PDE9A: variants seen among roughly 807,000 people sequenced by gnomAD.
PDE9A encodes the protein high affinity cGMP-specific 3',5'-cyclic phosphodiesterase 9A.
A neutral mutation model predicts 87.4 loss-of-function variants in PDE9A; 60 were observed. That is an observed-to-expected ratio of 0.69 (90% confidence interval 0.56 to 0.85). PDE9A has a LOEUF of 0.85. PDE9A is among the 40% of genes least tolerant of loss of function. The probability of loss-of-function intolerance (pLI) is 0.00; values close to 1 mark genes in which losing one functional copy is unlikely to be tolerated. For missense variants in PDE9A, 665 were observed against 779.0 expected, an observed-to-expected ratio of 0.85 and a Z score of 1.74; for synonymous variants, 272 against 279.4, an observed-to-expected ratio of 0.97 and a Z score of 0.27.
intron 4 of PDE9A, among the ~76,000 whole-genome samples, chr21:42,706,472 C>T (rs571420569): frequency 6.6e-6 from 1 of 151,978 alleles, no homozygotes; most frequent in South Asian, 2.1e-4. Flanking sequence ...TGGTGAAACC[C>T]TGTCTCTACT....
chr21:42,657,081 T>C (rs2057132581), intron 1 of PDE9A, among the ~76,000 whole-genome samples: 1 of 152,224 alleles, frequency 6.6e-6, no homozygotes, highest in Non-Finnish European at 1.5e-5. Flanking sequence ...GTGTGGGGCC[T>C]GATGAACAGG....
chr21:42,716,399 T>C (rs972917512), intron 4 of PDE9A, among the ~76,000 whole-genome samples: 1 of 151,804 alleles, frequency 6.6e-6, no homozygotes, highest in African/African-American at 2.4e-5. Flanking sequence ...AGCTTTTGTG[T>C]TTCAGTGTCT....
chr21:42,653,943 G>C, intron 1 of PDE9A, 60 bp downstream of exon 1: 1 of 1,037,432 alleles, frequency 9.6e-7, no homozygotes, highest in Non-Finnish European at 1.4e-6. Flanking sequence ...CCGGGGCCGG[G>C]CGCGGCGGGG....
intron 8 of PDE9A, among the ~76,000 whole-genome samples, chr21:42,745,437 G>A (rs1304883350): frequency 2.6e-5 from 4 of 152,180 alleles, no homozygotes; most frequent in Non-Finnish European, 5.9e-5. Context: ...ATCCATCTTC[G>A]TCATCCCTGT....
intron 14 of PDE9A, 78 bp from the exon 15 acceptor site, chr21:42,765,303 G>A: frequency 1.4e-6 from 1 of 730,740 alleles, no homozygotes; most frequent in Non-Finnish European, 2.4e-6. Context: ...TGTGCAGGGG[G>A]CTCAGTACAC....
In PDE9A at chr21:42,659,151, C is replaced by T. The variant is rs1040306461; in HGVS notation, c.69+5268C>T. Reference sequence around the variant, plus strand: ...CTTCCCAATTTTAGCCCAAGGGTGCCGAAAAGTCAGGGAGCTGCTGGCCTC... The same window carrying T: ...CTTCCCAATTTTAGCCCAAGGGTGCTGAAAAGTCAGGGAGCTGCTGGCCTC... On this transcript the variant is annotated intron_variant, in intron 1 of 19. Transcript: ENST00000291539. This position sits in a 1 kb window ranked among gnomAD's most constrained non-coding sequence, Gnocchi z 4.1. 7.2e-5 allele frequency among the ~76,000 whole-genome samples: 11 copies of T among 152,194 alleles called. No homozygotes were observed. The highest frequency in any genetic ancestry group is 4.1e-4 in the South Asian group (2 of 4,830).
At chr21:42,726,731 G>C (rs539812766) in intron 4 of PDE9A, among the ~76,000 whole-genome samples, 1 of 147,204 alleles carries the variant, frequency 6.8e-6, no homozygotes, top group African/African-American at 2.5e-5. Flanking sequence ...AAAGTGCTGG[G>C]ATTACAGGCA....
chr21:42,687,849 G>A (rs890301308), intron 2 of PDE9A, 68 bp from the exon 3 acceptor site: 202 of 1,315,348 alleles, frequency 1.5e-4, no homozygotes, highest in Non-Finnish European at 1.9e-4. Flanking sequence ...CTGGCCCCAT[G>A]TGTACATTCA....
chr21:42,737,992 G>C (rs565188061), intron 7 of PDE9A, among the ~76,000 whole-genome samples: 7 of 152,214 alleles, frequency 4.6e-5, no homozygotes, highest in East Asian at 3.9e-4. Context: ...TTTCCCTTAC[G>C]TTACGGATTA....
intron 1 of PDE9A, among the ~76,000 whole-genome samples, chr21:42,655,821 G>A (rs532748581): frequency 4.7e-5 from 5 of 107,094 alleles, no homozygotes; most frequent in African/African-American, 1.4e-4. Context: ...CCCCCACCCC[G>A]CCCCCCATCT....
intron 10 of PDE9A, 83 bp from the exon 11 acceptor site, chr21:42,758,916 G>C (rs569159580): frequency 2.8e-6 from 3 of 1,052,986 alleles, no homozygotes; most frequent in South Asian, 2.6e-5. Flanking sequence ...CTGGCACTCC[G>C]AGGACAGCAG....
At chr21:42,703,895 G>A (rs924637439) in intron 4 of PDE9A, among the ~76,000 whole-genome samples, 1 of 152,214 alleles carries the variant, frequency 6.6e-6, no homozygotes, top group Non-Finnish European at 1.5e-5. Context: ...ACAATAAGGG[G>A]CATTTCTGCT....
At chr21:42,754,192 A>G in intron 10 of PDE9A, 128 bp downstream of exon 10, 1 of 611,278 alleles carries the variant, frequency 1.6e-6, no homozygotes, top group Non-Finnish European at 2.9e-6. Context: ...GACTGAAAAA[A>G]AAAAACAAAA....
At chr21:42,756,346 C>T (rs780583389) in intron 10 of PDE9A, among the ~76,000 whole-genome samples, 3 of 152,354 alleles carry the variant, frequency 2.0e-5, no homozygotes, top group Admixed American at 6.5e-5. Context: ...ACAGCCCACT[C>T]GGCCCCACAA....
chr21:42,772,405 T>C (rs775878709), intron 18 of PDE9A, 34 bp from the exon 19 acceptor site: 1 of 1,441,556 alleles, frequency 6.9e-7, no homozygotes, highest in Non-Finnish European at 9.7e-7. Flanking sequence ...TGTCTCCTGC[T>C]CCCTGACTTG....
In PDE9A at chr21:42,704,051, C is replaced by T. The variant is rs2048603389; in HGVS notation, c.262+5040C>T. ...GGTCAGGGCCCAGGCTCCCGCCAGC[C>T]CTCACGGCAGCACGAGGCTGGTACG... On this transcript the variant is annotated intron_variant, in intron 4 of 19. Transcript: ENST00000291539. This position sits in a 1 kb window ranked among gnomAD's most constrained non-coding sequence, Gnocchi z 5.3. 6.6e-6 allele frequency among the ~76,000 whole-genome samples: 1 copy of T among 152,196 alleles called. No individual in the cohort carries two copies. The highest frequency in any genetic ancestry group is 2.4e-5 in the African/African-American group (1 of 41,446).
Position 42,653,898 on chromosome 21 carries a change from AC to A in PDE9A, c.69+18del. 1 of 1,413,786 alleles carries A rather than the reference AC, an allele frequency of 7.1e-7. No homozygotes were observed. The highest frequency in any genetic ancestry group is 9.7e-7 in the Non-Finnish European group (1 of 1,032,296). The allele number at this position is 1,413,786 out of a possible 1,614,324, so 87.6% of individuals were successfully genotyped here. On this transcript the variant is annotated intron_variant, in intron 1 of 19. Transcript: ENST00000291539. ...GCATTCAGAAGGTAGCCCCTCCCCCACCCAGACACCCCCTCCTCCCCCCGGG... is the reference window on the plus strand; with the variant it reads ...GCATTCAGAAGGTAGCCCCTCCCCCACCAGACACCCCCTCCTCCCCCCGGG...
At chr21:42,684,644 G>A (rs954423043) in intron 1 of PDE9A, among the ~76,000 whole-genome samples, 1 of 152,230 alleles carries the variant, frequency 6.6e-6, no homozygotes, top group Non-Finnish European at 1.5e-5. Context: ...GTCCTGCAAA[G>A]GAGGATGTGG....
intron 3 of PDE9A, among the ~76,000 whole-genome samples, chr21:42,698,633 C>T (rs919153255): frequency 2.6e-5 from 4 of 152,158 alleles, no homozygotes; most frequent in African/African-American, 7.2e-5. Context: ...CACCTGCATC[C>T]GCCAGGTGCT....
Sources: gnomAD v4.1 joint callset for allele counts (sites outside exome capture counted in the v4.1 genomes callset) on GRCh38, gnomAD v4.1.1 for gene constraint, Gnocchi (gnomAD v3.1) non-coding constraint, MANE v1.5 for transcripts, NCBI Gene and HGNC (gene_info 2026-07-23, HGNC 2026-07-21) for gene names.